The following HTT variants were observed in gnomAD, a reference collection of about 807,000 sequenced individuals.
The protein encoded by HTT is huntington disease protein.
In HTT, 104 loss-of-function variants were observed where a neutral mutation model predicts 362.3. That is an observed-to-expected ratio of 0.29 (90% confidence interval 0.24 to 0.34). The LOEUF (loss-of-function observed/expected upper bound fraction) is 0.34, where lower values mean the gene tolerates loss of function less well. HTT is among the 10% of genes least tolerant of loss of function. The pLI, the probability that HTT is intolerant of heterozygous loss-of-function variation, is 1.00. For missense variants in HTT, 3,301 were observed against 3,928.6 expected, an observed-to-expected ratio of 0.84 and a Z score of 4.27; for synonymous variants, 1,577 against 1,548.7, an observed-to-expected ratio of 1.02 and a Z score of -0.43.
At chr4:3,177,895 A>G (rs1718309475) in intron 34 of HTT, among the ~76,000 whole-genome samples, 3 of 152,254 alleles carry the variant, frequency 2.0e-5, no homozygotes, top group Non-Finnish European at 4.4e-5. Context: ...TTAGTGCAGA[A>G]GGAAAGTGTT....
chr4:3,155,349 G>A (rs1157256528), intron 27 of HTT, among the ~76,000 whole-genome samples: 1 of 151,442 alleles, frequency 6.6e-6, no homozygotes, highest in Non-Finnish European at 1.5e-5. Context: ...AGCCTCCTGA[G>A]TAGCTGGGAC....
At chr4:3,230,530 C>T (rs3121419) in intron 60 of HTT, among the ~76,000 whole-genome samples, 36,365 of 152,110 alleles carry the variant, frequency 0.24, 5,598 homozygotes, top group East Asian at 0.36. Context: ...AATCTGGGTG[C>T]TATAGTCTCT....
chr4:3,194,384 G>A (rs995602433), intron 40 of HTT, among the ~76,000 whole-genome samples: 1 of 152,278 alleles, frequency 6.6e-6, no homozygotes, highest in South Asian at 2.1e-4. Context: ...ACAACATTTG[G>A]GGTAACCAGC....
intron 19 of HTT, 30 bp from the exon 20 acceptor site, chr4:3,135,874 A>G (rs1359153629): frequency 6.4e-7 from 1 of 1,569,524 alleles, no homozygotes; most frequent in South Asian, 1.2e-5. Flanking sequence ...TAACTAAATG[A>G]TTTCATTGTT....
intron 18 of HTT, 61 bp from the exon 19 acceptor site, chr4:3,134,331 CAAACCGTCA>C: frequency 7.1e-7 from 1 of 1,406,460 alleles, no homozygotes. Flanking sequence ...TGACGGTTCT[CAAACCGTCA>C]AGACGCGGGT....
intron 63 of HTT, 119 bp downstream of exon 63, chr4:3,235,897 C>A: frequency 2.4e-6 from 2 of 838,562 alleles, no homozygotes; most frequent in Non-Finnish European, 3.8e-6. Flanking sequence ...TGGTGTTGCC[C>A]CAAGCCGGCC....
chr4:3,238,464 C>T lies in HTT; in HGVS notation c.8909C>T (p.Pro2970Leu). The T allele has an allele frequency of 6.2e-7, 1 of 1,611,578 alleles. No homozygotes were observed. The highest frequency in any genetic ancestry group is 2.2e-5 in the East Asian group (1 of 44,834). The change falls in exon 65 of 67, where the codon CCT becomes CTT. Residue 2970 changes from proline (P) to leucine (L), a missense_variant. Transcript: ENST00000355072. The stretch of plus-strand genomic sequence containing the variant: ...CCTCCCAGGATCAGGAAAGGCTTTC[C>T]TTGTGAAGCCAGAGTGGTGGCCAGG... ...VLFDRIRKGF[P>L]CEARVVARIL...
chr4:3,229,947 C>G lies in HTT; in HGVS notation c.8170C>G (p.Leu2724Val), dbSNP rs1184442866. 2 of 1,614,052 alleles carry G rather than the reference C, an allele frequency of 1.2e-6. No homozygotes were observed. Among genetic ancestry groups the G allele is most frequent in the Non-Finnish European group, 1.7e-6 (2 of 1,179,978 alleles). ...CCAGTTTGAGCTGATGTATGTGACG[C>G]TGACAGAACTGCGAAGGGTGCACCC... Reference protein sequence around the residue: ...RNQFELMYVTLTELRRVHPSE... With the variant: ...RNQFELMYVTVTELRRVHPSE... Residue 2724 changes from leucine to valine, a missense_variant, in exon 60 of 67, where the codon CTG (leucine) becomes GTG (valine). This residue lies in a region of HTT where 753 missense variants were observed against 1,021.3 expected (regional missense o/e 0.74). Coordinates refer to ENST00000355072, the MANE Select transcript of HTT (RefSeq NM_001388492.1).
chr4:3,093,722 A>G (rs1323608681), intron 2 of HTT, among the ~76,000 whole-genome samples: 3 of 152,122 alleles, frequency 2.0e-5, no homozygotes, highest in African/African-American at 4.8e-5. Flanking sequence ...TGGAACAGAA[A>G]GATTTGAAGG....
chr4:3,074,700 G>A lies in HTT; in HGVS notation c.-126G>A, dbSNP rs1201068293. The A allele has an allele frequency of 3.8e-6, 4 of 1,053,284 alleles. No individual in the cohort carries two copies. Among genetic ancestry groups the A allele is most frequent in the Non-Finnish European group, 5.2e-6 (4 of 775,038 alleles). 65.2% of individuals were successfully genotyped at this position (1,053,284 alleles called of 1,614,324 possible). Reference sequence around the variant, plus strand: ...GTGGGGGCTGCCGGGACGGGTCCAAGATGGACGGCCGCTCAGGTTCTGCTT... The same window carrying A: ...GTGGGGGCTGCCGGGACGGGTCCAAAATGGACGGCCGCTCAGGTTCTGCTT... On this transcript the variant is annotated 5_prime_UTR_variant, in exon 1 of 67. Transcript: ENST00000355072.
At chr4:3,088,546 A>G (rs901810298) in intron 2 of HTT, among the ~76,000 whole-genome samples, 3 of 152,208 alleles carry the variant, frequency 2.0e-5, no homozygotes, top group African/African-American at 7.2e-5. Context: ...GGTACAGTTC[A>G]GTATATATAT....
Position 3,075,083 on chromosome 4 carries a change from C to G in HTT, c.258C>G (p.His86Gln). 2 of 1,236,990 alleles carry G rather than the reference C, an allele frequency of 1.6e-6. No individual in the cohort carries two copies. The highest frequency in any genetic ancestry group is 2.0e-6 in the Non-Finnish European group (2 of 994,408). 76.6% of individuals were successfully genotyped at this position (1,236,990 alleles called of 1,614,324 possible). ...CGGCTGTGGCTGAGGAGCCGCTGCA[C>G]CGACCGTGAGTTTGGGCCCGCTGCA... ...PGPAVAEEPL[H>Q]RPKKELSATK... The change falls in exon 1 of 67, where the codon CAC (histidine) becomes CAG (glutamine). Residue 86 changes from histidine (H) to glutamine (Q), a missense_variant. His to Gln is a conservative substitution (Grantham distance 24). Coordinates refer to ENST00000355072, the MANE Select transcript of HTT (RefSeq NM_001388492.1).
At chr4:3,121,160 CA>C in intron 8 of HTT, 67 bp from the exon 9 acceptor site, 2 of 1,215,634 alleles carry the variant, frequency 1.6e-6, no homozygotes, top group Non-Finnish European at 1.2e-6. Context: ...TTAAAAACAA[CA>C]AAAAAGTGAA....
rs1466854891 is a variant in HTT, at chr4:3,103,804, T to C, written c.469-20T>C. Reference sequence around the variant, plus strand: ...AGTGATGGGATGTGTCTTCCATAAATCTCTTGTGATTTGTTGTAGGCTTTG... The same window carrying C: ...AGTGATGGGATGTGTCTTCCATAAACCTCTTGTGATTTGTTGTAGGCTTTG... On this transcript the variant is annotated intron_variant, in intron 3 of 66. Coordinates refer to ENST00000355072, the MANE Select transcript of HTT (RefSeq NM_001388492.1). 2 of 1,528,862 alleles carry C rather than the reference T, an allele frequency of 1.3e-6. No individual in the cohort carries two copies. The highest frequency in any genetic ancestry group is 4.5e-5 in the East Asian group (2 of 44,316). The allele number at this position is 1,528,862 out of a possible 1,614,324, so 94.7% of individuals were successfully genotyped here. A position where few individuals can be genotyped will look rare whatever the true frequency, so the allele number is the denominator to read the frequency against.
chr4:3,145,370 C>T, intron 24 of HTT, 142 bp downstream of exon 24: 2 of 657,778 alleles, frequency 3.0e-6, no homozygotes, highest in East Asian at 5.3e-5. Flanking sequence ...ATACTTGTTT[C>T]TGCTATATTA....
At chr4:3,101,304 C>T (rs1242135871) in intron 3 of HTT, among the ~76,000 whole-genome samples, 1 of 152,116 alleles carries the variant, frequency 6.6e-6, no homozygotes, top group African/African-American at 2.4e-5. Context: ...CTCAGGTGCT[C>T]TTCCTGGCTG....
intron 55 of HTT, 101 bp from the exon 56 acceptor site, chr4:3,223,891 A>G (rs1473539718): frequency 4.8e-6 from 6 of 1,241,630 alleles, no homozygotes; most frequent in East Asian, 2.3e-5. Flanking sequence ...TTGGTATTAC[A>G]CCAGGTTCCT....
At chr4:3,116,683 G>C (rs1715044376) in intron 8 of HTT, among the ~76,000 whole-genome samples, 1 of 152,304 alleles carries the variant, frequency 6.6e-6, no homozygotes, top group South Asian at 2.1e-4. Context: ...GTCTAGGCAC[G>C]GTGGTATATG....
chr4:3,111,490 A>T (rs982240515), intron 6 of HTT, among the ~76,000 whole-genome samples: 15 of 152,086 alleles, frequency 9.9e-5, no homozygotes, highest in African/African-American at 3.6e-4. Flanking sequence ...CCATCATTAG[A>T]TCTTTAAATA....
Sources: gnomAD v4.1 joint callset for allele counts (sites outside exome capture counted in the v4.1 genomes callset) on GRCh38, gnomAD v4.1.1 for gene constraint, gnomAD v4.1.1 regional missense constraint, MANE v1.5 for transcripts, NCBI Gene and HGNC (gene_info 2026-07-23, HGNC 2026-07-21) for gene names.